GABRA3: variants seen among roughly 807,000 people sequenced by gnomAD.
GABRA3 encodes the protein gamma-aminobutyric acid receptor subunit alpha-3.
GABRA3 carries 10 observed loss-of-function variants against 30.1 expected under a neutral mutation model. That is an observed-to-expected ratio of 0.33 (90% CI 0.20 to 0.56). GABRA3 has a LOEUF of 0.56. Among genes scored for constraint, GABRA3 ranks in the 20% least tolerant of loss-of-function variants. The probability of loss-of-function intolerance (pLI) is 0.89; values close to 1 mark genes in which losing one functional copy is unlikely to be tolerated. For synonymous variants in GABRA3, 151 were observed against 146.8 expected, an observed-to-expected ratio of 1.03 and a Z score of -0.21; for missense variants, 233 against 392.0, an observed-to-expected ratio of 0.59 and a Z score of 3.42.
At chrX:152,393,281 C>A in intron 1 of GABRA3, 1 of 248,262 alleles carries the variant, frequency 4.0e-6, no homozygotes, top group Non-Finnish European at 7.6e-6. Context: ...AGCCCAGTGA[C>A]ATGAGATAAC....
At position 152,421,107 on chromosome X, in the gene GABRA3, AC is replaced by A. The variant is rs1930361168; in HGVS notation, c.-27+30038del. 3.7e-5 allele frequency among the ~76,000 whole-genome samples: 4 copies of A among 106,672 alleles called. No homozygotes were observed. The South Asian group carries it at 1.2e-3, about 33-fold the overall frequency. 92.6% of individuals were successfully genotyped at this position (106,672 alleles called of 115,157 possible). On this transcript the variant is annotated intron_variant, in intron 1 of 9. Transcript: ENST00000370314. ...TGATATTTACACATTATACACACAC[AC>A]ACACACACACACACACACACACACA...
chrX:152,385,497 C>G (rs893638869), intron 1 of GABRA3, among the ~76,000 whole-genome samples: 3 of 111,888 alleles, frequency 2.7e-5, no homozygotes, highest in African/African-American at 9.7e-5. Context: ...AATTAACAAG[C>G]AAGAAGCCAC....
At chrX:152,168,992 TGAGATTACTCC>T (rs1346310189) in intron 9 of GABRA3, among the ~76,000 whole-genome samples, 1 of 112,188 alleles carries the variant, frequency 8.9e-6, no homozygotes, top group Non-Finnish European at 1.9e-5. Flanking sequence ...GGTAGGTGGA[TGAGATTACTCC>T]CATTTGACAG....
intron 1 of GABRA3, among the ~76,000 whole-genome samples, chrX:152,428,318 G>A (rs776037361): frequency 1.2e-4 from 13 of 111,895 alleles, no homozygotes; most frequent in African/African-American, 3.9e-4. Context: ...ATGCGGTGGC[G>A]TCCCTCCTCT....
intron 5 of GABRA3, among the ~76,000 whole-genome samples, chrX:152,253,752 T>C (rs971909404): frequency 8.9e-6 from 1 of 111,921 alleles, no homozygotes; most frequent in African/African-American, 3.2e-5. Context: ...GCCTAAAATA[T>C]GTCCTTCCAT....
chrX:152,360,046 T>G (rs1928436379), intron 2 of GABRA3, among the ~76,000 whole-genome samples: 1 of 98,395 alleles, frequency 1.0e-5, no homozygotes, highest in Admixed American at 1.1e-4. Flanking sequence ...TGTGCCACAT[T>G]TTCTTAATCC....
chrX:152,438,045 G>A (rs1400729422), intron 1 of GABRA3, among the ~76,000 whole-genome samples: 1 of 111,671 alleles, frequency 9.0e-6, no homozygotes, highest in African/African-American at 3.3e-5. Context: ...TAGACTAGGA[G>A]AAAATATTTG....
At chrX:152,338,150 C>T (rs1940261409) in intron 3 of GABRA3, among the ~76,000 whole-genome samples, 1 of 112,028 alleles carries the variant, frequency 8.9e-6, no homozygotes, top group African/African-American at 3.2e-5. Context: ...TTCCACTCAA[C>T]AGTGCCCAAG....
chrX:152,428,039 T>A (rs1272196858), intron 1 of GABRA3, among the ~76,000 whole-genome samples: 4 of 112,221 alleles, frequency 3.6e-5, no homozygotes, highest in African/African-American at 1.3e-4. Context: ...TAGCTAAAAG[T>A]ATTCTTGTAC....
At chrX:152,408,641 C>A (rs888069560) in intron 1 of GABRA3, among the ~76,000 whole-genome samples, 8 of 110,474 alleles carry the variant, frequency 7.2e-5, no homozygotes, top group African/African-American at 2.6e-4. Context: ...CTATGCAAAG[C>A]AATCCACAGA....
chrX:152,368,807 A>ACCATTCT (rs1465418569), intron 1 of GABRA3, among the ~76,000 whole-genome samples: 1 of 97,626 alleles, frequency 1.0e-5, no homozygotes, highest in Non-Finnish European at 2.0e-5. Context: ...CTGGGTTCAC[A>ACCATTCT]CCATTCTCCT....
At chrX:152,229,184 T>G (rs753982254) in intron 5 of GABRA3, among the ~76,000 whole-genome samples, 1 of 111,046 alleles carries the variant, frequency 9.0e-6, no homozygotes, top group Non-Finnish European at 1.9e-5. Flanking sequence ...CTAGCAGTTT[T>G]CAGTGAGCTT....
chrX:152,373,590 G>T (rs778927101), intron 1 of GABRA3, among the ~76,000 whole-genome samples: 3 of 111,616 alleles, frequency 2.7e-5, no homozygotes, highest in Non-Finnish European at 5.6e-5. Flanking sequence ...ACTGGCGTAA[G>T]ATGGTATCTC....
chrX:152,168,076 C>T lies in GABRA3; in HGVS notation c.*152G>A, dbSNP rs201428804. On this transcript the variant is annotated 3_prime_UTR_variant, in exon 10 of 10. Transcript: ENST00000370314. Reference sequence around the variant, plus strand: ...GTAATTTTTCTGTAGTTATTTTTTGCGTAGAGATTCATAAATATGAATTGA... The same window carrying T: ...GTAATTTTTCTGTAGTTATTTTTTGTGTAGAGATTCATAAATATGAATTGA... 1.2e-4 allele frequency: 54 copies of T among 462,553 alleles called. No individual in the cohort carries two copies. Among genetic ancestry groups the T allele is most frequent in the Non-Finnish European group, 1.8e-4 (50 of 271,296 alleles). The allele number at this position is 462,553 out of a possible 1,213,427, so 38.1% of individuals were successfully genotyped here. A position where few individuals can be genotyped will look rare whatever the true frequency, so the allele number is the denominator to read the frequency against.
At chrX:152,417,805 C>T (rs1339102262) in intron 1 of GABRA3, among the ~76,000 whole-genome samples, 1 of 96,056 alleles carries the variant, frequency 1.0e-5, no homozygotes, top group Non-Finnish European at 2.1e-5. Flanking sequence ...TATTCTCACT[C>T]ATAGGTGGGA....
chrX:152,247,947 T>C (rs756121525), intron 5 of GABRA3, among the ~76,000 whole-genome samples: 1 of 111,427 alleles, frequency 9.0e-6, no homozygotes, highest in Admixed American at 9.6e-5. Flanking sequence ...TTGTGGTGGT[T>C]GTTGTCGTTA....
intron 5 of GABRA3, among the ~76,000 whole-genome samples, chrX:152,241,586 G>A (rs1344320947): frequency 2.7e-5 from 3 of 109,280 alleles, no homozygotes; most frequent in African/African-American, 9.9e-5. Context: ...GGGCAATGGC[G>A]GGCGCCCCTC....
chrX:152,239,568 T>C (rs1169043171), intron 5 of GABRA3, among the ~76,000 whole-genome samples: 2 of 91,349 alleles, frequency 2.2e-5, no homozygotes, highest in Non-Finnish European at 4.2e-5. Flanking sequence ...TCTGTCTCGT[T>C]GATCTGTCTA....
At chrX:152,178,941 C>A in intron 9 of GABRA3, among the ~76,000 whole-genome samples, 1 of 111,563 alleles carries the variant, frequency 9.0e-6, no homozygotes, top group South Asian at 3.7e-4. Context: ...ATTGTCTTTT[C>A]ATGATAAATG....
Sources: gnomAD v4.1 joint callset for allele counts (sites outside exome capture counted in the v4.1 genomes callset) on GRCh38, gnomAD v4.1.1 for gene constraint, MANE v1.5 for transcripts, NCBI Gene and HGNC (gene_info 2026-07-23, HGNC 2026-07-21) for gene names.